CACHD1: variants seen among roughly 807,000 people sequenced by gnomAD.
CACHD1 encodes the protein cache domain containing 1, also known as VWFA and cache domain-containing protein 1.
A neutral mutation model predicts 138.7 loss-of-function variants in CACHD1; 71 were observed. The observed-to-expected ratio is 0.51, with a 90% CI of 0.42 to 0.62. The LOEUF (loss-of-function observed/expected upper bound fraction) is 0.62. Ranked by LOEUF, CACHD1 falls within the 20% of genes least tolerant of loss-of-function variation. The pLI, the probability that CACHD1 is intolerant of heterozygous loss-of-function variation, is 0.00. For missense variants in CACHD1, 1,389 were observed against 1,625.3 expected, an observed-to-expected ratio of 0.85 and a Z score of 2.50; for synonymous variants, 578 against 591.5, an observed-to-expected ratio of 0.98 and a Z score of 0.33.
chr1:64,588,886 A>G lies in CACHD1; in HGVS notation c.410+6582A>G, dbSNP rs553234267. Reference sequence around the variant, plus strand: ...ATTTTTATTCTTTTTTGTGTCTCCAAGTGGGGTTCAGTGCTGTTATCCTCA... The same window carrying G: ...ATTTTTATTCTTTTTTGTGTCTCCAGGTGGGGTTCAGTGCTGTTATCCTCA... On this transcript the variant is annotated intron_variant, in intron 3 of 26. Transcript: ENST00000651257. Among the ~76,000 whole-genome samples, 3 of 152,242 alleles carry G rather than the reference A, an allele frequency of 2.0e-5. No individual in the cohort carries two copies. In the East Asian group the frequency reaches 5.8e-4, roughly 29 times the overall value.
At chr1:64,486,698 A>G (rs966132229) in intron 1 of CACHD1, among the ~76,000 whole-genome samples, 2 of 151,954 alleles carry the variant, frequency 1.3e-5, no homozygotes, top group Non-Finnish European at 2.9e-5. Context: ...GGGTTTAGTT[A>G]GTCAATCTGC....
At chr1:64,663,124 C>T (rs1191665144) in intron 13 of CACHD1, among the ~76,000 whole-genome samples, 1 of 152,216 alleles carries the variant, frequency 6.6e-6, no homozygotes, top group East Asian at 1.9e-4. Context: ...CCTCATTCCT[C>T]ATAAGATATT....
chr1:64,499,646 C>T (rs1339445597), intron 1 of CACHD1, among the ~76,000 whole-genome samples: 3 of 152,186 alleles, frequency 2.0e-5, no homozygotes, highest in East Asian at 1.9e-4. Context: ...CAGAGCCTAA[C>T]AGTATTAGCA....
rs771768634 is a variant in CACHD1 at position 64,470,774 on chromosome 1, G to T, written c.30G>T (p.Thr10=). 7 of 894,214 alleles carry T rather than the reference G, an allele frequency of 7.8e-6. No individual in the cohort carries two copies. The highest frequency in any genetic ancestry group is 7.1e-5 in the Admixed American group (3 of 42,360). 55.4% of individuals were successfully genotyped at this position (894,214 alleles called of 1,614,324 possible). The change falls in exon 1 of 27, where the codon ACG becomes ACT. Residue 10 remains threonine (T), a synonymous_variant. Coordinates refer to ENST00000651257, the MANE Select transcript of CACHD1 (RefSeq NM_020925.4). This position sits in a 1 kb window ranked among gnomAD's most constrained non-coding sequence, Gnocchi z 5.2. ...CCCGCCAGCCGGAGGAAGAGGAGAC[G>T]GCCGTGGCCCGGGCGCGGCGGCCGC... MARQPEEEE[T]AVARARRPPL...
At chr1:64,471,442 C>T (rs967247826) in intron 1 of CACHD1, among the ~76,000 whole-genome samples, 17 of 152,174 alleles carry the variant, frequency 1.1e-4, no homozygotes, top group African/African-American at 3.9e-4. Context: ...TACCGAGGCG[C>T]ACCAATGGGC....
At chr1:64,682,451 G>A (rs999284380) in intron 26 of CACHD1, among the ~76,000 whole-genome samples, 3 of 152,066 alleles carry the variant, frequency 2.0e-5, no homozygotes, top group African/African-American at 7.2e-5. Context: ...GTCCCCTTGG[G>A]GCATGACAAG....
At chr1:64,541,135 G>C (rs1646674093) in intron 1 of CACHD1, among the ~76,000 whole-genome samples, 2 of 152,218 alleles carry the variant, frequency 1.3e-5, no homozygotes. Context: ...ATATCTTCCT[G>C]TTTTTGCTAG....
At chr1:64,650,360 C>T (rs1649048397) in intron 9 of CACHD1, among the ~76,000 whole-genome samples, 1 of 152,158 alleles carries the variant, frequency 6.6e-6, no homozygotes, top group Non-Finnish European at 1.5e-5. Context: ...AGATTGTGAC[C>T]TCTGTCTCCA....
chr1:64,619,479 A>G (rs1647830961), intron 4 of CACHD1, among the ~76,000 whole-genome samples: 1 of 152,212 alleles, frequency 6.6e-6, no homozygotes. Context: ...GCTTGTCAGA[A>G]GAACTGTTTC....
At chr1:64,640,482 C>A (rs144943477) in intron 7 of CACHD1, among the ~76,000 whole-genome samples, 1 of 152,072 alleles carries the variant, frequency 6.6e-6, no homozygotes, top group Non-Finnish European at 1.5e-5. Flanking sequence ...TCAAGACCAG[C>A]CTGGCCAACA....
At chr1:64,566,647 A>C (rs2100498946) in intron 2 of CACHD1, among the ~76,000 whole-genome samples, 1 of 149,100 alleles carries the variant, frequency 6.7e-6, no homozygotes, top group South Asian at 2.1e-4. Context: ...GTTTTCCCCC[A>C]GCAATTCATC....
intron 3 of CACHD1, among the ~76,000 whole-genome samples, chr1:64,601,434 G>T (rs1557513961): frequency 6.6e-6 from 1 of 152,202 alleles, no homozygotes; most frequent in Non-Finnish European, 1.5e-5. Flanking sequence ...GTCCAAGGAA[G>T]GGCAGCCACG....
At chr1:64,587,964 C>T (rs1363750184) in intron 3 of CACHD1, among the ~76,000 whole-genome samples, 1 of 151,706 alleles carries the variant, frequency 6.6e-6, no homozygotes, top group Non-Finnish European at 1.5e-5. Flanking sequence ...CCAAATATCT[C>T]TCCTCTCTTG....
intron 1 of CACHD1, among the ~76,000 whole-genome samples, chr1:64,504,217 T>C (rs149979037): frequency 1.9e-4 from 29 of 152,200 alleles, no homozygotes; most frequent in African/African-American, 7.0e-4. Flanking sequence ...TTTGCAGACA[T>C]GGGGTTTTGC....
At chr1:64,616,306 TGTG>T (rs956007815) in intron 4 of CACHD1, among the ~76,000 whole-genome samples, 5 of 152,166 alleles carry the variant, frequency 3.3e-5, no homozygotes, top group African/African-American at 1.2e-4. Context: ...GTGACAAGCA[TGTG>T]GTGGTTACCG....
intron 1 of CACHD1, among the ~76,000 whole-genome samples, chr1:64,530,901 A>G (rs1646578228): frequency 6.9e-6 from 1 of 144,006 alleles, no homozygotes; most frequent in Non-Finnish European, 1.5e-5. Flanking sequence ...ATGAGCTCAG[A>G]TGTGTATCAA....
intron 13 of CACHD1, among the ~76,000 whole-genome samples, chr1:64,659,210 GT>G (rs1649364007): frequency 6.6e-6 from 1 of 152,180 alleles, no homozygotes; most frequent in Non-Finnish European, 1.5e-5. Flanking sequence ...GGTCTCTGGA[GT>G]GTAAATTACA....
At chr1:64,574,112 A>G (rs1481544367) in intron 2 of CACHD1, among the ~76,000 whole-genome samples, 1 of 152,160 alleles carries the variant, frequency 6.6e-6, no homozygotes, top group Non-Finnish European at 1.5e-5. Flanking sequence ...AGATAATTTG[A>G]TCTGGGAGAG....
Position 64,664,590 on chromosome 1 carries a change from C to T in CACHD1, c.2187C>T (p.Val729=), listed in dbSNP as rs1023953964. Residue 729 remains valine (V), a synonymous_variant, in exon 15 of 27, where the codon GTC becomes GTT. Transcript: ENST00000651257. ...TGAGTAGCCTGAACACTTACATTGT[C>T]CGCCGTTACATAGCAACACCCAATG... ...MEMSSLNTYI[V]RRYIATPNGV... 6.2e-7 allele frequency: 1 copy of T among 1,614,042 alleles called. No homozygotes were observed. Among genetic ancestry groups the T allele is most frequent in the African/African-American group, 1.3e-5 (1 of 74,914 alleles).
Sources: gnomAD v4.1 joint callset for allele counts (sites outside exome capture counted in the v4.1 genomes callset) on GRCh38, gnomAD v4.1.1 for gene constraint, Gnocchi (gnomAD v3.1) non-coding constraint, MANE v1.5 for transcripts, NCBI Gene and HGNC (gene_info 2026-07-23, HGNC 2026-07-21) for gene names.